Variants in TRPM6 observed in about 807,000 individuals in gnomAD.
TRPM6 encodes the protein transient receptor potential cation channel subfamily M member 6.
TRPM6 carries 111 observed loss-of-function variants against 247.6 expected under a neutral mutation model. The observed-to-expected ratio is 0.45, with a 90% CI of 0.38 to 0.52. The LOEUF is 0.52. Among genes scored for constraint, TRPM6 ranks in the 20% least tolerant of loss-of-function variants. The pLI is 0.00. For missense variants in TRPM6, 2,126 were observed against 2,421.5 expected (o/e 0.88, Z 2.56); for synonymous variants, 892 against 853.8 (o/e 1.04, Z -0.78).
chr9:74,747,992 T>C (rs1826109150), intron 30 of TRPM6, 78 bp from the exon 31 acceptor site: 2 of 1,276,890 alleles, frequency 1.6e-6, no homozygotes, highest in South Asian at 1.2e-5. Flanking sequence ...AAACAGCACA[T>C]GGAACAGTAA....
At chr9:74,837,303 G>A (rs1829757079) in intron 5 of TRPM6, among the ~76,000 whole-genome samples, 1 of 152,204 alleles carries the variant, frequency 6.6e-6, no homozygotes, top group Non-Finnish European at 1.5e-5. Context: ...GATTCTGCAG[G>A]TCTGGGGTGG....
intron 27 of TRPM6, 32 bp from the exon 28 acceptor site, chr9:74,755,505 G>A (rs758145716): frequency 4.7e-5 from 76 of 1,613,242 alleles, no homozygotes; most frequent in Non-Finnish European, 6.4e-5. Flanking sequence ...GGAACACAGT[G>A]ACATTAATTC....
At chr9:74,756,386 A>G (rs1826429777) in intron 27 of TRPM6, among the ~76,000 whole-genome samples, 1 of 152,236 alleles carries the variant, frequency 6.6e-6, no homozygotes, top group Admixed American at 6.5e-5. Context: ...CAGAGCATTA[A>G]GATCATGAAA....
At chr9:74,877,042 C>T (rs373175609) in intron 1 of TRPM6, among the ~76,000 whole-genome samples, 1 of 152,124 alleles carries the variant, frequency 6.6e-6, no homozygotes, top group Non-Finnish European at 1.5e-5. Context: ...TCTTCATACC[C>T]GCTAGGATGG....
At chr9:74,835,018 T>A (rs1419433647) in intron 5 of TRPM6, among the ~76,000 whole-genome samples, 4 of 152,194 alleles carry the variant, frequency 2.6e-5, no homozygotes, top group Non-Finnish European at 5.9e-5. Flanking sequence ...CCACACTGTC[T>A]TCCACAATGG....
chr9:74,858,879 G>T, intron 1 of TRPM6, 131 bp from the exon 2 acceptor site: 1 of 684,110 alleles, frequency 1.5e-6, no homozygotes, highest in Non-Finnish European at 2.5e-6. Flanking sequence ...ACCCCACACA[G>T]GCTAAGCATT....
chr9:74,823,593 A>G (rs1829208788), intron 7 of TRPM6, among the ~76,000 whole-genome samples: 2 of 152,170 alleles, frequency 1.3e-5, no homozygotes, highest in African/African-American at 2.4e-5. Flanking sequence ...CCATATCACT[A>G]AAAAGCATAT....
chr9:74,755,396 C>T lies in TRPM6; in HGVS notation c.4863G>A (p.Glu1621=), dbSNP rs762442958. Residue 1621 remains glutamate, a synonymous_variant, in exon 28 of 39, where the codon GAG becomes GAA. Coordinates refer to ENST00000360774, the MANE Select transcript of TRPM6 (RefSeq NM_017662.5). The part of the protein sequence containing the change: ...EPGENSISEE[E]YSKNWFTVSK... ...ACACTGTGAACCAGTTCTTGCTGTA[C>T]TCCTCTTCAGAGATGCTGTTTTCTC... The T allele has an allele frequency of 3.1e-6, 5 of 1,614,164 alleles. No individual in the cohort carries two copies. The highest frequency in any genetic ancestry group is 4.2e-6 in the Non-Finnish European group (5 of 1,180,014).
chr9:74,825,187 G>C (rs541450729), intron 7 of TRPM6, among the ~76,000 whole-genome samples: 47 of 152,272 alleles, frequency 3.1e-4, no homozygotes, highest in African/African-American at 1.1e-3. Flanking sequence ...GTTTGAACCA[G>C]GGAGGCAGAG....
At chr9:74,796,693 G>A (rs373258406) in intron 18 of TRPM6, 48 bp downstream of exon 18, 61 of 1,588,452 alleles carry the variant, frequency 3.8e-5, no homozygotes, top group East Asian at 3.1e-4. Flanking sequence ...GTATATTTGC[G>A]TGCAGTCAAT....
chr9:74,765,243 T>C (rs1826789691), intron 25 of TRPM6, among the ~76,000 whole-genome samples: 1 of 152,046 alleles, frequency 6.6e-6, no homozygotes, highest in South Asian at 2.1e-4. Context: ...TGTTCGGCAT[T>C]ATGTTTTCAA....
intron 1 of TRPM6, chr9:74,887,225 G>A: frequency 1.6e-6 from 2 of 1,271,944 alleles, no homozygotes; most frequent in Non-Finnish European, 2.0e-6. Context: ...CGGGGCGGGT[G>A]TTTACCGTAA....
Position 74,821,658 on chromosome 9 carries a change from C to T in TRPM6, c.1010+11G>A. The T allele has an allele frequency of 6.2e-7, 1 of 1,614,112 alleles. No homozygotes were observed. ...CCCTATAGTTTCAAAAAAGAAGAGC[C>T]AACAACTCACCCTTCATCTGCCAGG... On this transcript the variant is annotated intron_variant, in intron 8 of 38. Transcript: ENST00000360774.
At chr9:74,867,193 G>A (rs1313850138) in intron 1 of TRPM6, among the ~76,000 whole-genome samples, 1 of 152,156 alleles carries the variant, frequency 6.6e-6, no homozygotes, top group Non-Finnish European at 1.5e-5. Context: ...GGCCTTTTTA[G>A]ATCATTGTGT....
rs944434266 is a variant in TRPM6 at position 74,887,665 on chromosome 9, G to C, written c.33+159C>G. 2.5e-6 allele frequency: 4 copies of C among 1,598,418 alleles called. No homozygotes were observed. In the African/African-American group the frequency reaches 5.3e-5, roughly 21 times the overall value. On this transcript the variant is annotated intron_variant, in intron 1 of 38. Coordinates refer to ENST00000360774, the MANE Select transcript of TRPM6 (RefSeq NM_017662.5). ...GATAATCATCTTTGGGTGGAGACCAGAGAACTTGAAAGCCGGTATTTCATA... is the reference window on the plus strand; with the variant it reads ...GATAATCATCTTTGGGTGGAGACCACAGAACTTGAAAGCCGGTATTTCATA...
chr9:74,855,504 A>C, intron 3 of TRPM6, 23 bp downstream of exon 3: 2 of 1,575,502 alleles, frequency 1.3e-6, no homozygotes, highest in Admixed American at 3.3e-5. Flanking sequence ...AGCTAAAAGG[A>C]ATCTTGCTTA....
chr9:74,784,364 A>G (rs1312021853), intron 21 of TRPM6, among the ~76,000 whole-genome samples: 1 of 152,134 alleles, frequency 6.6e-6, no homozygotes, highest in Non-Finnish European at 1.5e-5. Context: ...CCAATTTTGA[A>G]TCCTGGCTCC....
At position 74,769,789 on chromosome 9, in the gene TRPM6, A is replaced by AGGGAGGG; in HGVS notation, c.3536+1913_3536+1914insCCCTCCC. ...GAAGGAAGGAAGGAAGGAAGGACGGAAGGAAGGGAGGGAGGGAGGAAGGAA... is the reference window on the plus strand; with the variant it reads ...GAAGGAAGGAAGGAAGGAAGGACGGAGGGAGGGAGGAAGGGAGGGAGGGAGGAAGGAA... On this transcript the variant is annotated intron_variant, in intron 25 of 38. Coordinates refer to ENST00000360774, the MANE Select transcript of TRPM6 (RefSeq NM_017662.5). Among the ~76,000 whole-genome samples, 5 of 40,338 alleles carry AGGGAGGG rather than the reference A, an allele frequency of 1.2e-4. No individual in the cohort carries two copies. In the African/African-American group the frequency reaches 1.8e-3, roughly 15 times the overall value. 26.5% of individuals were successfully genotyped at this position (40,338 alleles called of 152,430 possible). A position where few individuals can be genotyped will look rare whatever the true frequency, so the allele number is the denominator to read the frequency against.
intron 19 of TRPM6, among the ~76,000 whole-genome samples, chr9:74,788,973 T>C (rs1266195830): frequency 6.6e-6 from 1 of 152,196 alleles, no homozygotes; most frequent in Non-Finnish European, 1.5e-5. Context: ...CTCAGATGCA[T>C]GGAAGGACAC....
Sources: gnomAD v4.1 joint callset for allele counts (sites outside exome capture counted in the v4.1 genomes callset) on GRCh38, gnomAD v4.1.1 for gene constraint, MANE v1.5 for transcripts, NCBI Gene and HGNC (gene_info 2026-07-23, HGNC 2026-07-21) for gene names.